DNAH8: variants seen among roughly 807,000 people sequenced by gnomAD.
The protein encoded by DNAH8 is axonemal beta dynein heavy chain 8.
A neutral mutation model predicts 562.1 loss-of-function variants in DNAH8; 382 were observed. The observed-to-expected ratio is 0.68, with a 90% CI of 0.63 to 0.74. The LOEUF (loss-of-function observed/expected upper bound fraction) is 0.74, where lower values mean the gene tolerates loss of function less well. Ranked by LOEUF, DNAH8 falls within the 30% of genes least tolerant of loss-of-function variation. DNAH8 has a pLI of 0.00. For synonymous variants in DNAH8, 1,881 were observed against 1,919.4 expected (o/e 0.98, Z 0.52); for missense variants, 5,203 against 5,620.4 (o/e 0.93, Z 2.37).
intron 91 of DNAH8, among the ~76,000 whole-genome samples, chr6:39,017,011 A>C (rs1458548440): frequency 3.3e-5 from 5 of 152,200 alleles, no homozygotes; most frequent in African/African-American, 4.8e-5. Context: ...TTCTGTAGCA[A>C]TTGATGAGCT....
intron 88 of DNAH8, among the ~76,000 whole-genome samples, chr6:39,004,596 G>A (rs1015449692): frequency 6.6e-6 from 1 of 152,078 alleles, no homozygotes; most frequent in Non-Finnish European, 1.5e-5. Context: ...CATTTCAAGT[G>A]GACAATAAAT....
intron 62 of DNAH8, among the ~76,000 whole-genome samples, chr6:38,902,293 A>C (rs1780130880): frequency 6.6e-6 from 1 of 152,078 alleles, no homozygotes; most frequent in Non-Finnish European, 1.5e-5. Flanking sequence ...TATGCAAACC[A>C]ACCAATCCAG....
At chr6:38,903,094 G>C (rs1490820400) in intron 62 of DNAH8, among the ~76,000 whole-genome samples, 1 of 152,188 alleles carries the variant, frequency 6.6e-6, no homozygotes. Context: ...CAGGTTTGTA[G>C]CTTAGGAGCA....
At chr6:38,793,503 A>G (rs1769946780) in intron 21 of DNAH8, among the ~76,000 whole-genome samples, 2 of 151,982 alleles carry the variant, frequency 1.3e-5, no homozygotes, top group Non-Finnish European at 2.9e-5. Context: ...CCATTTTATG[A>G]CTTTCGTCCT....
At chr6:38,982,047 G>A (rs1764072428) in intron 85 of DNAH8, among the ~76,000 whole-genome samples, 1 of 152,158 alleles carries the variant, frequency 6.6e-6, no homozygotes, top group South Asian at 2.1e-4. Context: ...TGCTGCACAG[G>A]TTTGTAGCCT....
At chr6:38,786,639 G>A (rs182289941) in intron 17 of DNAH8, 126 bp from the exon 18 acceptor site, 2 of 882,604 alleles carry the variant, frequency 2.3e-6, no homozygotes, top group Admixed American at 3.0e-5. Context: ...TAGCACCTGG[G>A]GCATCCAAAA....
intron 36 of DNAH8, among the ~76,000 whole-genome samples, chr6:38,847,829 A>G (rs1186186308): frequency 6.6e-6 from 1 of 152,090 alleles, no homozygotes; most frequent in African/African-American, 2.4e-5. Flanking sequence ...TGCTTCCTCC[A>G]TGGCATCCAT....
At chr6:38,867,752 C>CAAAAA (rs68060910) in intron 47 of DNAH8, among the ~76,000 whole-genome samples, 5 of 88,746 alleles carry the variant, frequency 5.6e-5, no homozygotes, top group African/African-American at 1.8e-4. Flanking sequence ...GACTCCATCT[C>CAAAAA]AAAAAAAAAA....
chr6:38,789,190 G>C lies in DNAH8; in HGVS notation c.2584-613G>C, dbSNP rs112997512. Reference sequence around the variant, plus strand: ...TCAACTACAAGTAATGTATAAAGGGGAAAGAGGAATCAAGAGCTTTGAAAC... The same window carrying C: ...TCAACTACAAGTAATGTATAAAGGGCAAAGAGGAATCAAGAGCTTTGAAAC... On this transcript the variant is annotated intron_variant, in intron 18 of 92. Transcript: ENST00000327475. 3.9e-3 allele frequency among the ~76,000 whole-genome samples: 592 copies of C among 152,324 alleles called. 9 individuals carry two copies. The highest frequency in any genetic ancestry group is 0.014 in the African/African-American group (573 of 41,586).
chr6:38,870,109 T>C (rs557576383), intron 48 of DNAH8, among the ~76,000 whole-genome samples: 2 of 152,260 alleles, frequency 1.3e-5, no homozygotes, highest in East Asian at 3.9e-4. Flanking sequence ...TTATTCACTA[T>C]CATAAGAACA....
chr6:38,744,770 A>G (rs1210588298), intron 8 of DNAH8, among the ~76,000 whole-genome samples: 1 of 151,350 alleles, frequency 6.6e-6, no homozygotes, highest in Admixed American at 6.6e-5. Context: ...TTTTTAAACA[A>G]TTTTTTTTAT....
At chr6:39,016,479 A>T (rs1766578018) in intron 91 of DNAH8, among the ~76,000 whole-genome samples, 2 of 150,566 alleles carry the variant, frequency 1.3e-5, no homozygotes, top group Admixed American at 6.7e-5. Context: ...TGAACCTAGG[A>T]GGCGGAGCTT....
chr6:38,759,004 T>C (rs1223138890), intron 10 of DNAH8, among the ~76,000 whole-genome samples: 3 of 152,104 alleles, frequency 2.0e-5, no homozygotes, highest in Non-Finnish European at 4.4e-5. Context: ...TTTGAGAAAT[T>C]ACTCAAGCAA....
chr6:39,026,766 T>C, intron 92 of DNAH8, 99 bp downstream of exon 92: 1 of 1,364,416 alleles, frequency 7.3e-7, no homozygotes, highest in African/African-American at 1.4e-5. Context: ...GTTAGGTCCA[T>C]TTGCTTTGCA....
At chr6:38,954,272 C>T (rs779123134) in intron 82 of DNAH8, among the ~76,000 whole-genome samples, 4 of 152,004 alleles carry the variant, frequency 2.6e-5, no homozygotes, top group Non-Finnish European at 5.9e-5. Context: ...AAAAAGAACA[C>T]CTAAAAACAA....
At chr6:38,785,087 A>G (rs1769017270) in intron 17 of DNAH8, among the ~76,000 whole-genome samples, 1 of 152,252 alleles carries the variant, frequency 6.6e-6, no homozygotes, top group Admixed American at 6.5e-5. Context: ...TACAAACAAT[A>G]TGAAGTAGAA....
intron 40 of DNAH8, 58 bp from the exon 41 acceptor site, chr6:38,853,128 C>T (rs918103467): frequency 1.6e-5 from 22 of 1,340,802 alleles, no homozygotes; most frequent in African/African-American, 4.4e-5. Flanking sequence ...GTGCATGGAA[C>T]GTCTGTAAAA....
At chr6:38,990,976 T>C (rs566039556) in intron 88 of DNAH8, among the ~76,000 whole-genome samples, 1 of 152,380 alleles carries the variant, frequency 6.6e-6, no homozygotes, top group East Asian at 1.9e-4. Context: ...CCAAGACTCC[T>C]CTGGCAGATT....
chr6:39,029,257 G>C (rs540691575), intron 92 of DNAH8, among the ~76,000 whole-genome samples: 1 of 152,128 alleles, frequency 6.6e-6, no homozygotes, highest in Admixed American at 6.5e-5. Flanking sequence ...ACTTCTGCCT[G>C]TGATGCCTAC....
Sources: allele counts gnomAD v4.1 joint callset (sites outside exome capture counted in the v4.1 genomes callset), GRCh38; gene constraint gnomAD v4.1.1; transcripts MANE v1.5; gene names NCBI Gene and HGNC (gene_info 2026-07-23, HGNC 2026-07-21).